Variants in EIF2AK2 observed in about 807,000 individuals in gnomAD.
EIF2AK2 encodes the protein interferon-induced, double-stranded RNA-activated protein kinase.
EIF2AK2 carries 40 observed loss-of-function variants against 70.5 expected under a neutral mutation model. That is an observed-to-expected ratio of 0.57 (90% CI 0.44 to 0.74). The LOEUF (loss-of-function observed/expected upper bound fraction) is 0.74, where lower values mean the gene tolerates loss of function less well. Ranked by LOEUF, EIF2AK2 falls within the 30% of genes least tolerant of loss-of-function variation. The pLI is 0.00. For synonymous variants in EIF2AK2, 198 were observed against 220.9 expected (o/e 0.90, Z 0.92); for missense variants, 555 against 644.3 (o/e 0.86, Z 1.50).
In EIF2AK2 at chr2:37,105,946, T is replaced by A. The variant is rs1456860243; in HGVS notation, c.*1327A>T. 2.0e-5 allele frequency: 3 copies of A among 152,248 alleles called. No individual in the cohort carries two copies. In the East Asian group the frequency reaches 5.8e-4, roughly 29 times the overall value. 9.4% of individuals were successfully genotyped at this position (152,248 alleles called of 1,614,324 possible). ...TATTTTCTGTTTTTAGCTACTGCCT[T>A]ACAGCACGGTTGTCTTTAAAGTGGT... On this transcript the variant is annotated 3_prime_UTR_variant, in exon 17 of 17. Coordinates refer to ENST00000233057, the MANE Select transcript of EIF2AK2 (RefSeq NM_001135651.3).
At chr2:37,150,029 G>A (rs1438047111) in intron 1 of EIF2AK2, among the ~76,000 whole-genome samples, 1 of 152,078 alleles carries the variant, frequency 6.6e-6, no homozygotes, top group African/African-American at 2.4e-5. Flanking sequence ...CACTGATCAT[G>A]GGAATGTTCT....
At chr2:37,145,275 C>T (rs80177104) in intron 4 of EIF2AK2, among the ~76,000 whole-genome samples, 4 of 150,682 alleles carry the variant, frequency 2.7e-5, no homozygotes, top group African/African-American at 4.9e-5. Context: ...CCCAAGTAGC[C>T]GGAATTATAG....
Position 37,138,532 on chromosome 2 carries a change from G to C in EIF2AK2, c.570C>G (p.Ser190Arg). Reference sequence around the variant, plus strand: ...ACAGTGTGCTGGTCACTAAAGAGTTGCTTTGGGACTCACACGTAGTAGCAA... The same window carrying C: ...ACAGTGTGCTGGTCACTAAAGAGTTCCTTTGGGACTCACACGTAGTAGCAA... ...GSFATTCESQ[S>R]NSLVTSTLAS... is the part of the protein sequence containing the mutation. The change falls in exon 7 of 17, where the codon AGC becomes AGG. Residue 190 changes from serine (S) to arginine (R), a missense_variant. Transcript: ENST00000233057. 6.2e-7 allele frequency: 1 copy of C among 1,614,114 alleles called. No individual in the cohort carries two copies. The highest frequency in any genetic ancestry group is 8.5e-7 in the Non-Finnish European group (1 of 1,180,004).
intron 6 of EIF2AK2, among the ~76,000 whole-genome samples, chr2:37,139,301 C>A (rs944420737): frequency 7.0e-6 from 1 of 142,748 alleles, no homozygotes. Flanking sequence ...GGCAACAGAG[C>A]GAGATTCCAT....
intron 10 of EIF2AK2, among the ~76,000 whole-genome samples, chr2:37,129,461 G>C (rs1297104143): frequency 6.6e-6 from 1 of 152,106 alleles, no homozygotes; most frequent in Non-Finnish European, 1.5e-5. Context: ...AACATTACAG[G>C]AGGAAATCTC....
At chr2:37,156,508 C>G (rs1002875165) in intron 1 of EIF2AK2, among the ~76,000 whole-genome samples, 20 of 152,176 alleles carry the variant, frequency 1.3e-4, no homozygotes, top group African/African-American at 4.1e-4. Flanking sequence ...AAAGATTGTT[C>G]AGCCAGTCTA....
At chr2:37,112,511 G>A (rs1674195073) in intron 14 of EIF2AK2, among the ~76,000 whole-genome samples, 1 of 152,210 alleles carries the variant, frequency 6.6e-6, no homozygotes, top group African/African-American at 2.4e-5. Flanking sequence ...AGATGACAAT[G>A]TGATTACAGA....
intron 4 of EIF2AK2, among the ~76,000 whole-genome samples, chr2:37,143,897 C>A (rs1406267810): frequency 6.6e-6 from 1 of 151,778 alleles, no homozygotes; most frequent in Admixed American, 6.6e-5. Context: ...AAAACGACAA[C>A]AACAACAACA....
intron 11 of EIF2AK2, among the ~76,000 whole-genome samples, chr2:37,123,626 C>A (rs114138158): frequency 0.011 from 1,683 of 152,220 alleles, 24 homozygotes; most frequent in African/African-American, 0.039. Context: ...GTGTTAAAAT[C>A]TTTGTATTTC....
intron 10 of EIF2AK2, among the ~76,000 whole-genome samples, chr2:37,129,929 C>T (rs1270782551): frequency 6.6e-6 from 1 of 152,104 alleles, no homozygotes; most frequent in Admixed American, 6.5e-5. Flanking sequence ...ATTCCTCAGC[C>T]CTGTAAATCC....
chr2:37,136,371 C>G (rs1472541562), intron 9 of EIF2AK2, among the ~76,000 whole-genome samples: 1 of 152,224 alleles, frequency 6.6e-6, no homozygotes, highest in Non-Finnish European at 1.5e-5. Context: ...TCTTCCTTTA[C>G]AGTCTTTCTC....
At chr2:37,111,878 A>AAT (rs869140054) in intron 14 of EIF2AK2, among the ~76,000 whole-genome samples, 144 of 69,116 alleles carry the variant, frequency 2.1e-3, no homozygotes, top group Middle Eastern at 0.015. Flanking sequence ...AAAAAAAAAA[A>AAT]ATATATATAT....
chr2:37,149,096 G>C (rs1440375544), intron 1 of EIF2AK2, 73 bp from the exon 2 acceptor site: 7 of 900,302 alleles, frequency 7.8e-6, no homozygotes, highest in Non-Finnish European at 1.3e-5. Flanking sequence ...TACCAGCGAA[G>C]ACTAAGGTCT....
At chr2:37,107,425 A>G in intron 16 of EIF2AK2, 30 bp from the exon 17 acceptor site, 3 of 1,610,440 alleles carry the variant, frequency 1.9e-6, no homozygotes, top group Non-Finnish European at 2.5e-6. Flanking sequence ...CAATAGTAAG[A>G]AATAAAACAT....
Position 37,126,399 on chromosome 2 carries a change from A to G in EIF2AK2, c.798T>C (p.Asp266=). 1 of 1,607,264 alleles carries G rather than the reference A, an allele frequency of 6.2e-7. No homozygotes were observed. The highest frequency in any genetic ancestry group is 8.5e-7 in the Non-Finnish European group (1 of 1,178,180). Residue 266 remains aspartate (D), a synonymous_variant, in exon 11 of 17, where the codon GAT becomes GAC. Transcript: ENST00000233057. The part of the protein sequence containing the change: ...KYTVDKRFGM[D]FKEIELIGSG... ...AGCCAATTAATTCTATTTCTTTAAA[A>G]TCCATGCCAAACCTTAAAGATAAAA...
chr2:37,146,886 T>C lies in EIF2AK2; in HGVS notation c.207A>G (p.Lys69=), dbSNP rs1279694867. 4 of 1,613,838 alleles carry C rather than the reference T, an allele frequency of 2.5e-6. No homozygotes were observed. Among genetic ancestry groups the C allele is most frequent in the African/African-American group, 1.3e-5 (1 of 74,910 alleles). Residue 69 remains lysine, a synonymous_variant, in exon 4 of 17, where the codon AAA becomes AAG. Transcript: ENST00000233057. Reference sequence around the variant, plus strand: ...CCTTATTAAGTATCTCAACAGCTAATTTGGCTGCGGCATTTTTTGCTTCCT... The same window carrying C: ...CCTTATTAAGTATCTCAACAGCTAACTTGGCTGCGGCATTTTTTGCTTCCT... ...SKKEAKNAAA[K]LAVEILNKEK... is the part of the protein sequence containing the mutation.
In EIF2AK2 at chr2:37,102,487, C is replaced by G. The variant is rs1673850307; in HGVS notation, c.*4786G>C. 1 of 151,982 alleles carries G rather than the reference C, an allele frequency of 6.6e-6. No individual in the cohort carries two copies. The highest frequency in any genetic ancestry group is 2.4e-5 in the African/African-American group (1 of 41,298). 9.4% of individuals were successfully genotyped at this position (151,982 alleles called of 1,614,324 possible). A position where few individuals can be genotyped will look rare whatever the true frequency, so the allele number is the denominator to read the frequency against. On this transcript the variant is annotated 3_prime_UTR_variant, in exon 17 of 17. Coordinates refer to ENST00000233057, the MANE Select transcript of EIF2AK2 (RefSeq NM_001135651.3). ...AATTATGGTGAACACTCAGTGGGGA[C>G]TGCATATTGTGAGTTATGTCTCTAG...
intron 5 of EIF2AK2, among the ~76,000 whole-genome samples, chr2:37,140,062 G>T (rs934768517): frequency 2.6e-5 from 4 of 151,784 alleles, no homozygotes; most frequent in African/African-American, 9.7e-5. Context: ...ATTCCCCAAA[G>T]GTCAAAAGAT....
intron 5 of EIF2AK2, among the ~76,000 whole-genome samples, chr2:37,140,336 G>A (rs1191949361): frequency 1.3e-5 from 2 of 152,178 alleles, no homozygotes; most frequent in Non-Finnish European, 2.9e-5. Context: ...AAGGACATTT[G>A]TGGTTAGGCA....
Sources: allele counts gnomAD v4.1 joint callset (sites outside exome capture counted in the v4.1 genomes callset), GRCh38; gene constraint gnomAD v4.1.1; transcripts MANE v1.5; gene names NCBI Gene and HGNC (gene_info 2026-07-23, HGNC 2026-07-21).